TRPM3: variants seen among roughly 807,000 people sequenced by gnomAD.
TRPM3 encodes long transient receptor potential channel 3.
In TRPM3, 77 loss-of-function variants were observed where a neutral mutation model predicts 181.2. That is an observed-to-expected ratio of 0.42 (90% CI 0.35 to 0.51). TRPM3 has a LOEUF of 0.51. TRPM3 is among the 20% of genes least tolerant of loss of function. The pLI is 0.01. For synonymous variants in TRPM3, 745 were observed against 796.4 expected (o/e 0.94, Z 1.09); for missense variants, 1,759 against 2,196.7 (o/e 0.80, Z 3.98).
At chr9:71,034,833 T>C (rs1590848930) in intron 1 of TRPM3, among the ~76,000 whole-genome samples, 1 of 151,120 alleles carries the variant, frequency 6.6e-6, no homozygotes, top group African/African-American at 2.4e-5. Flanking sequence ...TCATTCAGTG[T>C]GATGTATATA....
intron 1 of TRPM3, among the ~76,000 whole-genome samples, chr9:71,435,919 C>T (rs2094026675): frequency 6.6e-6 from 1 of 152,120 alleles, no homozygotes; most frequent in African/African-American, 2.4e-5. Context: ...AGCAGAAAGG[C>T]CAAAAAGATG....
chr9:71,196,167 A>ATGTGTGTG lies in TRPM3; in HGVS notation c.183+250478_183+250485dup, dbSNP rs71507026. Among the ~76,000 whole-genome samples the ATGTGTGTG allele has an allele frequency of 4.1e-3, 612 of 149,448 alleles. 9 individuals carry two copies. Among genetic ancestry groups the ATGTGTGTG allele is most frequent in the African/African-American group, 0.014 (571 of 40,668 alleles). On this transcript the variant is annotated intron_variant, in intron 1 of 24. Coordinates refer to the TRPM3 transcript ENST00000357533. ...CATATATATATATACACACACGTAT[A>ATGTGTGTG]TGTGTGTGTGTGTGTGTGTGTGTGT...
chr9:71,067,138 A>G (rs1424786243), intron 1 of TRPM3, among the ~76,000 whole-genome samples: 1 of 152,230 alleles, frequency 6.6e-6, no homozygotes, highest in African/African-American at 2.4e-5. Context: ...GACAGTGAAC[A>G]TGTACAGAAG....
At chr9:70,634,106 A>G (rs2066422057) in intron 12 of TRPM3, among the ~76,000 whole-genome samples, 2 of 152,182 alleles carry the variant, frequency 1.3e-5, no homozygotes, top group African/African-American at 2.4e-5. Flanking sequence ...AAACTGTATT[A>G]TAATAATAAA....
intron 1 of TRPM3, among the ~76,000 whole-genome samples, chr9:71,357,405 C>G (rs953739680): frequency 6.6e-6 from 1 of 152,112 alleles, no homozygotes; most frequent in Non-Finnish European, 1.5e-5. Context: ...TGATAATGAA[C>G]CAAAGTTTAG....
At chr9:70,658,592 T>C (rs2060687264) in intron 9 of TRPM3, among the ~76,000 whole-genome samples, 2 of 152,262 alleles carry the variant, frequency 1.3e-5, no homozygotes, top group South Asian at 4.1e-4. Flanking sequence ...ATCGTTATGT[T>C]AAATTTTTGT....
intron 7 of TRPM3, among the ~76,000 whole-genome samples, chr9:70,769,792 CA>C (rs1407918028): frequency 1.1e-4 from 16 of 152,006 alleles, no homozygotes; most frequent in African/African-American, 3.6e-4. Flanking sequence ...CTTTTTGAAG[CA>C]GTGATTGTTT....
intron 1 of TRPM3, among the ~76,000 whole-genome samples, chr9:71,381,217 T>C (rs962524408): frequency 6.6e-6 from 1 of 152,024 alleles, no homozygotes; most frequent in Non-Finnish European, 1.5e-5. Context: ...AGGACAGGGG[T>C]GACTTTTTGG....
intron 1 of TRPM3, among the ~76,000 whole-genome samples, chr9:71,406,927 GCAAA>G (rs2093446555): frequency 1.3e-5 from 2 of 152,062 alleles, no homozygotes; most frequent in Admixed American, 6.6e-5. Context: ...TATCAGCGCT[GCAAA>G]GAAGCTCTGA....
chr9:70,536,750 T>C lies in TRPM3; in HGVS notation c.4363A>G (p.Ser1455Gly). The change falls in exon 26 of 26, where the codon AGT becomes GGT. Residue 1455 changes from serine to glycine, a missense_variant. By Grantham distance (56) the Ser-to-Gly change is moderately conservative. Around this residue, in one of 8 missense-constraint regions of TRPM3, gnomAD observed 612 missense variants for 590.0 expected, o/e 1.04. Transcript: ENST00000677713. ...GTGGGTGCAAGTGTTGCATAGGCACTACTTGAAGGGGCTGTGGAAGGTACT... is the reference window on the plus strand; with the variant it reads ...GTGGGTGCAAGTGTTGCATAGGCACCACTTGAAGGGGCTGTGGAAGGTACT... ...TPVPSTAPSSSAYATLAPTDR... is the reference protein window; with the variant it reads ...TPVPSTAPSSGAYATLAPTDR... The C allele has an allele frequency of 6.2e-7, 1 of 1,614,170 alleles. No homozygotes were observed. The highest frequency in any genetic ancestry group is 1.3e-5 in the African/African-American group (1 of 75,048).
At chr9:70,983,193 T>C (rs1370484838) in intron 1 of TRPM3, among the ~76,000 whole-genome samples, 1 of 152,136 alleles carries the variant, frequency 6.6e-6, no homozygotes, top group Non-Finnish European at 1.5e-5. Context: ...TTGATGTTCA[T>C]GGCCCCACTG....
intron 1 of TRPM3, among the ~76,000 whole-genome samples, chr9:71,118,108 G>C (rs201025696): frequency 6.6e-6 from 1 of 152,156 alleles, no homozygotes; most frequent in Non-Finnish European, 1.5e-5. Context: ...TAAAGCAAAC[G>C]ACAACAGAAG....
chr9:71,309,378 G>T (rs1189242595), intron 1 of TRPM3, among the ~76,000 whole-genome samples: 2 of 152,206 alleles, frequency 1.3e-5, no homozygotes, highest in East Asian at 3.9e-4. Flanking sequence ...ATTTTTTCCA[G>T]AAGGATACCA....
Position 70,949,686 on chromosome 9 carries a change from A to T in TRPM3, c.178-85175T>A, listed in dbSNP as rs1483110044. ...CCCGAGTAGCTGGGACTACAGGTGT[A>T]TTCCACCATACCCAACCTGAATGTA... On this transcript the variant is annotated intron_variant, in intron 1 of 25. Transcript: ENST00000677713. 3.3e-5 allele frequency among the ~76,000 whole-genome samples: 5 copies of T among 152,018 alleles called. No individual in the cohort carries two copies. The East Asian group carries it at 9.6e-4, about 29-fold the overall frequency.
intron 19 of TRPM3, among the ~76,000 whole-genome samples, chr9:70,608,652 G>A (rs1411487323): frequency 6.6e-6 from 1 of 152,054 alleles, no homozygotes; most frequent in Non-Finnish European, 1.5e-5. Flanking sequence ...CCTGGCCAAC[G>A]TGGCAAAACC....
intron 1 of TRPM3, among the ~76,000 whole-genome samples, chr9:70,948,129 T>G (rs2133651745): frequency 6.6e-6 from 1 of 152,172 alleles, no homozygotes; most frequent in South Asian, 2.1e-4. Context: ...TTTTTTTTTT[T>G]TTGTCTTTCA....
chr9:70,593,606 G>A (rs971542358), intron 21 of TRPM3, among the ~76,000 whole-genome samples: 3 of 152,060 alleles, frequency 2.0e-5, no homozygotes, highest in Admixed American at 6.6e-5. Context: ...AACAATCAAA[G>A]AGAAGAAACA....
chr9:71,187,168 G>C (rs1259801949), intron 1 of TRPM3, among the ~76,000 whole-genome samples: 1 of 151,956 alleles, frequency 6.6e-6, no homozygotes, highest in African/African-American at 2.4e-5. Context: ...TTTCTTCATA[G>C]ATTAGATCAA....
chr9:71,121,133 C>A (rs777392660), intron 1 of TRPM3, 45 bp downstream of exon 1: 22 of 1,581,518 alleles, frequency 1.4e-5, no homozygotes, highest in Non-Finnish European at 1.9e-5. Context: ...GTATTTAAAT[C>A]TAAAAAGCAC....
Sources: gnomAD v4.1 joint callset for allele counts (sites outside exome capture counted in the v4.1 genomes callset) on GRCh38, gnomAD v4.1.1 for gene constraint, gnomAD v4.1.1 regional missense constraint, MANE v1.5 for transcripts, NCBI Gene and HGNC (gene_info 2026-07-23, HGNC 2026-07-21) for gene names.